Variants in BEST1 observed in about 807,000 individuals in gnomAD.
BEST1 encodes bestrophin-1.
Under a neutral mutation model 63.3 loss-of-function variants are expected in BEST1, and 58 were observed. The observed-to-expected ratio is 0.92, with a 90% CI of 0.74 to 1.14. BEST1 has a LOEUF of 1.14. Among genes scored for constraint, BEST1 ranks in the 50% most tolerant of loss-of-function variants. BEST1 has a pLI of 0.00. For missense variants in BEST1, 671 were observed against 740.1 expected, an observed-to-expected ratio of 0.91 and a Z score of 1.08; for synonymous variants, 283 against 291.6, an observed-to-expected ratio of 0.97 and a Z score of 0.30.
At chr11:61,954,805 G>C (rs1461700754) in intron 2 of BEST1, 5 of 985,416 alleles carry the variant, frequency 5.1e-6, no homozygotes, top group Non-Finnish European at 6.0e-6. Flanking sequence ...GCATTCAAAG[G>C]ATCAGGGTGT....
rs771276800 is a variant in BEST1, at chr11:61,956,926, T to G, written c.564T>G (p.Phe188Leu). 2 of 1,614,164 alleles carry G rather than the reference T, an allele frequency of 1.2e-6. No individual in the cohort carries two copies. Among genetic ancestry groups the G allele is most frequent in the Admixed American group, 3.3e-5 (2 of 60,014 alleles). The change falls in exon 5 of 11, where the codon TTT becomes TTG. Residue 188 changes from phenylalanine to leucine, a missense_variant. Coordinates refer to ENST00000378043, the MANE Select transcript of BEST1 (RefSeq NM_004183.4). ...HNMFWVPWVW[F>L]ANLSMKAWLG... ...TGTTCTGGGTGCCCTGGGTGTGGTT[T>G]GCCAACCTGTCAATGAAGGCGTGGC...
chr11:61,960,489 GCCTCCCC>G (rs1941955886), intron 9 of BEST1: 1 of 211,248 alleles, frequency 4.7e-6, no homozygotes, highest in Non-Finnish European at 9.9e-6. Flanking sequence ...TCCTGCTTCA[GCCTCCCC>G]AGTAGCTGGG....
intron 9 of BEST1, 166 bp from the exon 10 acceptor site, chr11:61,962,089 G>A (rs1942123265): frequency 1.4e-6 from 1 of 701,822 alleles, no homozygotes; most frequent in Non-Finnish European, 2.5e-6. Flanking sequence ...TCACCGGGAG[G>A]TACAGGACAG....
chr11:61,955,239 C>T (rs779922692), intron 3 of BEST1, 38 bp downstream of exon 3: 2 of 1,614,084 alleles, frequency 1.2e-6, no homozygotes, highest in East Asian at 2.2e-5. Context: ...GTCCCTGTGG[C>T]CGCCCAGGCT....
chr11:61,963,244 G>A (rs1942266570), intron 10 of BEST1: 1 of 1,382,392 alleles, frequency 7.2e-7, no homozygotes, highest in Non-Finnish European at 9.3e-7. Context: ...AACTTACTTT[G>A]AGCAAGGGTG....
chr11:61,958,562 A>AAAC lies in BEST1; in HGVS notation c.867+279_867+281dup, dbSNP rs539191828. 2.0e-3 allele frequency: 1,670 copies of AAAC among 828,858 alleles called. 7 individuals carry two copies. Among genetic ancestry groups the AAAC allele is most frequent in the African/African-American group, 0.011 (674 of 59,226 alleles). 51.3% of individuals were successfully genotyped at this position (828,858 alleles called of 1,614,324 possible). The stretch of plus-strand genomic sequence containing the variant: ...GCAAAAGAATGAAACTCTATCTCAA[A>AAAC]AACAACAACAACAACAAAACAAAGC... On this transcript the variant is annotated intron_variant, in intron 7 of 10. Transcript: ENST00000378043.
At chr11:61,955,084 T>TGGGC in intron 2 of BEST1, 23 bp from the exon 3 acceptor site, 1 of 1,606,496 alleles carries the variant, frequency 6.2e-7, no homozygotes, top group Non-Finnish European at 8.5e-7. Flanking sequence ...TCCACACAAT[T>TGGGC]CCACCCCCAC....
downstream of BEST1, chr11:61,965,267 G>A: frequency 6.3e-7 from 1 of 1,591,902 alleles, no homozygotes; most frequent in Non-Finnish European, 8.6e-7. Flanking sequence ...CAAAAGCCCA[G>A]TGTATCATCA....
intron 7 of BEST1, chr11:61,959,204 A>G: frequency 6.2e-6 from 3 of 481,908 alleles, no homozygotes; most frequent in Non-Finnish European, 1.1e-5. Flanking sequence ...ATGCAACTCC[A>G]GGTAAGATAC....
At chr11:61,959,745 G>A (rs1293745817) in intron 8 of BEST1, 147 bp from the exon 9 acceptor site, 2 of 1,343,932 alleles carry the variant, frequency 1.5e-6, no homozygotes, top group Non-Finnish European at 1.0e-6. Flanking sequence ...AATCTTTGAG[G>A]CTGCAGGCAG....
chr11:61,952,866 G>C (rs571950486), intron 2 of BEST1, among the ~76,000 whole-genome samples: 1 of 152,206 alleles, frequency 6.6e-6, no homozygotes, highest in African/African-American at 2.4e-5. Flanking sequence ...CCAGCACTTT[G>C]AGGGGCCAAG....
rs1238327354 is a variant in BEST1 at position 61,951,210 on chromosome 11, T to A, written c.-36-561T>A. 2.0e-5 allele frequency among the ~76,000 whole-genome samples: 3 copies of A among 151,948 alleles called. 1 individual carries two copies. The East Asian group carries it at 5.8e-4, about 29-fold the overall frequency. On this transcript the variant is annotated intron_variant, in intron 1 of 10. Transcript: ENST00000378043. ...CTTTGTCATTGTATTATTTATTTAT[T>A]TATTTATTTATTTTTAGACAGAGTT... is the stretch of plus-strand genomic sequence containing the variant.
chr11:61,963,116 G>C, intron 10 of BEST1: 1 of 1,460,422 alleles, frequency 6.8e-7, no homozygotes, highest in Non-Finnish European at 9.1e-7. Flanking sequence ...GGTATCACCC[G>C]GAAGACTTCT....
chr11:61,958,127 A>ATCCTTCTCC lies in BEST1; in HGVS notation c.715-15_715-14insTCTCCTCCT, dbSNP rs1565393472. 43 of 1,544,478 alleles carry ATCCTTCTCC rather than the reference A, an allele frequency of 2.8e-5. 3 individuals carry two copies. In the South Asian group the frequency reaches 3.1e-4, roughly 11 times the overall value. On this transcript the variant is annotated intron_variant, in intron 6 of 10. Transcript: ENST00000378043. The stretch of plus-strand genomic sequence containing the variant: ...TTCCCACCTAGCCCTTTGCTACCAC[A>ATCCTTCTCC]TCCTCCTCCTCCTCCCAGGTGGTGA...
intron 1 of BEST1, among the ~76,000 whole-genome samples, 152 bp from the exon 2 acceptor site, chr11:61,951,619 C>G (rs2134408219): frequency 6.6e-6 from 1 of 152,336 alleles, no homozygotes; most frequent in East Asian, 1.9e-4. Context: ...TTCCAAAAGG[C>G]AGTCAGAACT....
chr11:61,963,227 T>C (rs1264993445), intron 10 of BEST1: 16 of 1,394,326 alleles, frequency 1.1e-5, no homozygotes, highest in Non-Finnish European at 1.4e-5. Context: ...ATGTTATCAC[T>C]GGCCCCAACT....
chr11:61,961,976 T>G, intron 9 of BEST1: 1 of 489,244 alleles, frequency 2.0e-6, no homozygotes, highest in Non-Finnish European at 3.7e-6. Flanking sequence ...AAGTGAATGA[T>G]GAGGAGGCCT....
chr11:61,957,931 G>A (rs1420835373), intron 6 of BEST1, among the ~76,000 whole-genome samples: 1 of 152,002 alleles, frequency 6.6e-6, no homozygotes, highest in African/African-American at 2.4e-5. Flanking sequence ...CTGAGATCAT[G>A]CCACTGCACT....
At position 61,960,023 on chromosome 11, in the gene BEST1, G is replaced by A. The variant is rs145212203; in HGVS notation, c.1080G>A (p.Met360Ile). The A allele has an allele frequency of 2.7e-5, 43 of 1,609,646 alleles. No individual in the cohort carries two copies. The African/African-American group carries it at 4.7e-4, about 17-fold the overall frequency. The change falls in exon 9 of 11, where the codon ATG becomes ATA. Residue 360 changes from methionine to isoleucine, a missense_variant. Physicochemically the swap from Met to Ile is conservative, Grantham distance 10. Transcript: ENST00000378043. ...ASAQFRRASFMGSTFNISLNK... is the reference protein window; with the variant it reads ...ASAQFRRASFIGSTFNISLNK... ...CCCAGTTCCGTCGAGCCTCCTTTAT[G>A]GGCTCCACCTTCAACATCAGGTGTG...
Sources: gnomAD v4.1 joint callset for allele counts (sites outside exome capture counted in the v4.1 genomes callset) on GRCh38, gnomAD v4.1.1 for gene constraint, MANE v1.5 for transcripts, NCBI Gene and HGNC (gene_info 2026-07-23, HGNC 2026-07-21) for gene names.